Variants in DNAH12 observed in about 807,000 individuals in gnomAD.
DNAH12 encodes the protein axonemal beta dynein heavy chain 12.
Under a neutral mutation model 371.5 loss-of-function variants are expected in DNAH12, and 285 were observed. The ratio of observed to expected loss-of-function variants is 0.77; its 90% CI spans 0.70 to 0.85. DNAH12 has a LOEUF of 0.85. DNAH12 is among the 40% of genes least tolerant of loss of function. The pLI, the probability that DNAH12 is intolerant of heterozygous loss-of-function variation, is 0.00. For missense variants in DNAH12, 3,611 were observed against 3,689.4 expected (o/e 0.98, Z 0.55); for synonymous variants, 1,200 against 1,213.0 (o/e 0.99, Z 0.22).
intron 28 of DNAH12, 147 bp from the exon 29 acceptor site, chr3:57,444,963 T>C (rs963781630): frequency 9.1e-6 from 10 of 1,103,670 alleles, no homozygotes; most frequent in Admixed American, 3.5e-5. Context: ...GGAATCCCTA[T>C]AATAAAAAGT....
chr3:57,501,874 C>T (rs549669535), intron 10 of DNAH12, among the ~76,000 whole-genome samples: 1 of 151,984 alleles, frequency 6.6e-6, no homozygotes, highest in South Asian at 2.1e-4. Flanking sequence ...CATATGCACC[C>T]TTTGGACTGG....
intron 16 of DNAH12, among the ~76,000 whole-genome samples, chr3:57,469,601 T>A (rs1026206625): frequency 1.3e-4 from 20 of 151,994 alleles, no homozygotes; most frequent in Non-Finnish European, 2.9e-4. Context: ...CAACAGTGGA[T>A]TGAATAAAAA....
chr3:57,346,064 C>T (rs1240968840), intron 60 of DNAH12, among the ~76,000 whole-genome samples: 4 of 151,980 alleles, frequency 2.6e-5, no homozygotes, highest in Non-Finnish European at 5.9e-5. Context: ...GTTCCTAGCA[C>T]AAAGAAATGA....
intron 40 of DNAH12, among the ~76,000 whole-genome samples, chr3:57,407,364 T>G (rs2064070804): frequency 6.6e-6 from 1 of 151,872 alleles, no homozygotes; most frequent in African/African-American, 2.4e-5. Context: ...ACCTCTGTAT[T>G]TTCCAGGACA....
At chr3:57,492,646 T>C (rs2067168257) in intron 11 of DNAH12, among the ~76,000 whole-genome samples, 1 of 152,014 alleles carries the variant, frequency 6.6e-6, no homozygotes, top group Non-Finnish European at 1.5e-5. Flanking sequence ...ATATAAACTA[T>C]CCCAAAATTA....
intron 18 of DNAH12, among the ~76,000 whole-genome samples, chr3:57,462,344 C>A (rs147785345): frequency 6.6e-6 from 1 of 152,012 alleles, no homozygotes. Flanking sequence ...CTCCACCTCC[C>A]GGGTTCAAGC....
chr3:57,336,040 G>T (rs540753282), intron 60 of DNAH12, among the ~76,000 whole-genome samples: 1 of 152,120 alleles, frequency 6.6e-6, no homozygotes, highest in Non-Finnish European at 1.5e-5. Flanking sequence ...GAAGTGCAGT[G>T]GCACAATCAT....
intron 72 of DNAH12, among the ~76,000 whole-genome samples, chr3:57,295,977 G>T (rs1036682217): frequency 6.6e-6 from 1 of 152,068 alleles, no homozygotes; most frequent in Non-Finnish European, 1.5e-5. Context: ...TCATCAAAAT[G>T]CAAGAAAAGG....
chr3:57,507,803 G>A lies in DNAH12; in HGVS notation c.737C>T (p.Thr246Ile). The change falls in exon 8 of 74, where the codon ACT becomes ATT. Residue 246 changes from threonine (T) to isoleucine (I), a missense_variant. Coordinates refer to ENST00000495027, the MANE Select transcript of DNAH12 (RefSeq NM_001366028.2). ...KGPIDCESLK[T>I]DLSIQTRNAE... The stretch of plus-strand genomic sequence containing the variant: ...GTTTCTAGTTTGTATTGATAGATCA[G>A]TTTTCAGTGATTCACAGTCAATTGG... The A allele has an allele frequency of 6.3e-7, 1 of 1,590,710 alleles. No homozygotes were observed.
At position 57,404,552 on chromosome 3, in the gene DNAH12, C is replaced by T. The variant is rs1016082033; in HGVS notation, c.6755+417G>A. 2.0e-5 allele frequency among the ~76,000 whole-genome samples: 3 copies of T among 151,254 alleles called. No individual in the cohort carries two copies. The South Asian group carries it at 6.3e-4, about 32-fold the overall frequency. On this transcript the variant is annotated intron_variant, in intron 42 of 73. Transcript: ENST00000495027. ...CCAGTATGGTGAAACCCCATCTCTA[C>T]TAAAAATACAAAAAAAAATTAGCCA...
At chr3:57,453,123 G>T (rs1243028889) in intron 24 of DNAH12, 108 bp from the exon 25 acceptor site, 5 of 1,454,952 alleles carry the variant, frequency 3.4e-6, no homozygotes, top group Non-Finnish European at 4.6e-6. Flanking sequence ...ATTCATGTTT[G>T]CCAACTTATA....
chr3:57,344,390 C>T (rs1023798566), intron 60 of DNAH12, among the ~76,000 whole-genome samples: 13 of 152,154 alleles, frequency 8.5e-5, no homozygotes, highest in Non-Finnish European at 1.9e-4. Flanking sequence ...GGAGGTTCCT[C>T]AAAAACTACA....
chr3:57,504,323 TCAATCCATTTAATTGAA>T (rs1381622313), intron 8 of DNAH12, 119 bp from the exon 9 acceptor site: 25 of 902,066 alleles, frequency 2.8e-5, no homozygotes, highest in Non-Finnish European at 3.6e-5. Context: ...AAACATCCTA[TCAATCCATTTAATTGAA>T]AATTATCTTC....
rs1246118404 is a variant in DNAH12, at chr3:57,452,874, G to A, written c.3755C>T (p.Thr1252Met). ...TCTGTAACACCTGTCAGTTAGAGGC[G>A]TAATGACAAGTCGAGGTGAGTTACC... ...YLGNSPRLVI[T>M]PLTDRCYRTL... is the part of the protein sequence containing the mutation. Residue 1252 changes from threonine (T) to methionine (M), a missense_variant, in exon 25 of 74, where the codon ACG (threonine) becomes ATG (methionine). Around this residue, in one of 3 missense-constraint regions of DNAH12, gnomAD observed 2,266 missense variants for 2,236.9 expected, o/e 1.01. Coordinates refer to ENST00000495027, the MANE Select transcript of DNAH12 (RefSeq NM_001366028.2). The A allele has an allele frequency of 1.2e-5, 18 of 1,550,122 alleles. No homozygotes were observed. The highest frequency in any genetic ancestry group is 2.0e-5 in the Admixed American group (1 of 50,706).
intron 8 of DNAH12, among the ~76,000 whole-genome samples, chr3:57,504,424 T>G (rs1044401787): frequency 4.6e-5 from 7 of 152,178 alleles, no homozygotes; most frequent in Non-Finnish European, 8.8e-5. Context: ...TACATATTTT[T>G]TTTTAAGACA....
At chr3:57,359,673 T>C (rs1433331509) in intron 58 of DNAH12, among the ~76,000 whole-genome samples, 2 of 151,912 alleles carry the variant, frequency 1.3e-5, no homozygotes, top group Admixed American at 6.6e-5. Flanking sequence ...GTGATATTTA[T>C]ATATATTATA....
chr3:57,413,921 T>C lies in DNAH12; in HGVS notation c.5854-9A>G, dbSNP rs1376015483. ...CTAGCCATGATAATGTTCTAAAATA[T>C]GAAGGAAGAATGGTATATTTACCTA... On this transcript the variant is annotated splice_polypyrimidine_tract_variant and intron_variant, in intron 38 of 73. Coordinates refer to ENST00000495027, the MANE Select transcript of DNAH12 (RefSeq NM_001366028.2). 3 of 1,548,234 alleles carry C rather than the reference T, an allele frequency of 1.9e-6. No individual in the cohort carries two copies. Among genetic ancestry groups the C allele is most frequent in the African/African-American group, 2.7e-5 (2 of 72,906 alleles).
chr3:57,475,302 T>C (rs1472112977), intron 13 of DNAH12, among the ~76,000 whole-genome samples: 1 of 151,962 alleles, frequency 6.6e-6, no homozygotes, highest in Non-Finnish European at 1.5e-5. Context: ...TAAGGCAACA[T>C]GGCAAGGCCT....
rs1401048332 is a variant in DNAH12 at position 57,293,966 on chromosome 3, T to G, written c.11698A>C (p.Lys3900Gln). 2 of 1,406,934 alleles carry G rather than the reference T, an allele frequency of 1.4e-6. No homozygotes were observed. Among genetic ancestry groups the G allele is most frequent in the Non-Finnish European group, 1.9e-6 (2 of 1,071,234 alleles). The allele number at this position is 1,406,934 out of a possible 1,614,324, so 87.2% of individuals were successfully genotyped here. A position where few individuals can be genotyped will look rare whatever the true frequency, so the allele number is the denominator to read the frequency against. Residue 3900 changes from lysine (K) to glutamine (Q), a missense_variant, in exon 74 of 74, where the codon AAA becomes CAA. Lys to Gln is a moderately conservative substitution (Grantham distance 53, BLOSUM62 1). This residue lies in a region of DNAH12 where 2,266 missense variants were observed against 2,236.9 expected (regional missense o/e 1.01). Coordinates refer to ENST00000495027, the MANE Select transcript of DNAH12 (RefSeq NM_001366028.2). ...GCATCCGACTTTATAATCCGAGATT[T>G]TTGAGCTTGAAAAAAAAAAAGAAAT... ...MPIIWIKPTQ[K>Q]SRIIKSDAYV... is the part of the protein sequence containing the mutation.
Sources: gnomAD v4.1 joint callset for allele counts (sites outside exome capture counted in the v4.1 genomes callset) on GRCh38, gnomAD v4.1.1 for gene constraint, gnomAD v4.1.1 regional missense constraint, MANE v1.5 for transcripts, NCBI Gene and HGNC (gene_info 2026-07-23, HGNC 2026-07-21) for gene names.